Variants in FARP2 observed in about 807,000 individuals in gnomAD.
FARP2 encodes FERM, ARHGEF and pleckstrin domain-containing protein 2.
Under a neutral mutation model 130.5 loss-of-function variants are expected in FARP2, and 111 were observed. The ratio of observed to expected loss-of-function variants is 0.85; its 90% CI spans 0.73 to 1.00. The LOEUF (loss-of-function observed/expected upper bound fraction) is 1.00. FARP2 is among the 50% of genes least tolerant of loss of function. The pLI, the probability that FARP2 is intolerant of heterozygous loss-of-function variation, is 0.00. For missense variants in FARP2, 1,385 were observed against 1,346.3 expected (o/e 1.03, Z -0.45); for synonymous variants, 504 against 516.9 (o/e 0.98, Z 0.34).
chr2:241,394,650 T>G (rs1575498968), intron 2 of FARP2, among the ~76,000 whole-genome samples: 2 of 152,324 alleles, frequency 1.3e-5, no homozygotes, highest in East Asian at 3.9e-4. Context: ...TGTGGAAAAT[T>G]ACTTTGGCAA....
At chr2:241,369,807 A>G (rs2061386887) in intron 1 of FARP2, among the ~76,000 whole-genome samples, 2 of 152,350 alleles carry the variant, frequency 1.3e-5, no homozygotes, top group Non-Finnish European at 2.9e-5. Flanking sequence ...TGGTGGTTCT[A>G]TATTTAATAA....
At chr2:241,402,838 A>T (rs11678364) in intron 2 of FARP2, among the ~76,000 whole-genome samples, 2,649 of 9,156 alleles carry the variant, frequency 0.29, 290 homozygotes, top group East Asian at 0.39. Context: ...CAGCTAATTT[A>T]TATATATATA....
chr2:241,469,012 T>C (rs2150488116), intron 18 of FARP2, among the ~76,000 whole-genome samples: 1 of 152,290 alleles, frequency 6.6e-6, no homozygotes, highest in South Asian at 2.1e-4. Flanking sequence ...CCTATTCTAA[T>C]GGGGATGTGT....
At chr2:241,472,139 G>C (rs1051550393) in intron 18 of FARP2, among the ~76,000 whole-genome samples, 2 of 145,860 alleles carry the variant, frequency 1.4e-5, no homozygotes, top group Non-Finnish European at 3.0e-5. Context: ...GTTTTGAGGG[G>C]ACCCTGTTCT....
At chr2:241,477,377 C>G (rs2064500780) in intron 19 of FARP2, among the ~76,000 whole-genome samples, 1 of 152,134 alleles carries the variant, frequency 6.6e-6, no homozygotes, top group South Asian at 2.1e-4. Flanking sequence ...ATCCACCCAC[C>G]TTGGCCTCCC....
intron 17 of FARP2, among the ~76,000 whole-genome samples, chr2:241,465,179 C>G (rs1011859086): frequency 1.3e-5 from 2 of 152,084 alleles, no homozygotes; most frequent in African/African-American, 4.8e-5. Flanking sequence ...CAGGACAGGA[C>G]TCCCCCAGAA....
At chr2:241,368,991 T>C (rs1357298799) in intron 1 of FARP2, among the ~76,000 whole-genome samples, 3 of 152,078 alleles carry the variant, frequency 2.0e-5, no homozygotes, top group Non-Finnish European at 4.4e-5. Flanking sequence ...CACAGGGTCA[T>C]CTCCTCTCAA....
rs568779010 is a variant in FARP2, at chr2:241,449,722, G to A, written c.1412-7025G>A. 7.5e-4 allele frequency among the ~76,000 whole-genome samples: 114 copies of A among 152,260 alleles called. 1 individual carries two copies. The highest frequency in any genetic ancestry group is 2.6e-3 in the African/African-American group (109 of 41,556). On this transcript the variant is annotated intron_variant, in intron 13 of 26. Coordinates refer to ENST00000264042, the MANE Select transcript of FARP2 (RefSeq NM_014808.4). ...ACAAAGAAAATCACCTGCCAGACCG[G>A]GCGCAGTGGCTCCCGCCTGTAATCC...
At chr2:241,461,080 C>T (rs1179188095) in intron 14 of FARP2, among the ~76,000 whole-genome samples, 1 of 152,196 alleles carries the variant, frequency 6.6e-6, no homozygotes, top group African/African-American at 2.4e-5. Context: ...GAAGACATGG[C>T]TCCACATGCC....
intron 1 of FARP2, among the ~76,000 whole-genome samples, chr2:241,367,683 T>TCACTACACTCATCTAA (rs2061345170): frequency 6.6e-6 from 1 of 152,096 alleles, no homozygotes; most frequent in African/African-American, 2.4e-5. Context: ...GAAAAATATT[T>TCACTACACTCATCTAA]TAGGAAAGGT....
At chr2:241,474,736 G>A (rs1202215314) in intron 18 of FARP2, among the ~76,000 whole-genome samples, 1 of 151,598 alleles carries the variant, frequency 6.6e-6, no homozygotes, top group African/African-American at 2.4e-5. Flanking sequence ...AGGTTTCAGT[G>A]AGCCAAGATC....
chr2:241,480,208 G>C (rs927432364), intron 19 of FARP2, among the ~76,000 whole-genome samples: 1 of 152,210 alleles, frequency 6.6e-6, no homozygotes, highest in Non-Finnish European at 1.5e-5. Flanking sequence ...CTCTGACACT[G>C]TCTGGTTTCC....
chr2:241,391,730 A>G (rs940211612), intron 2 of FARP2, among the ~76,000 whole-genome samples: 1 of 152,146 alleles, frequency 6.6e-6, no homozygotes, highest in Non-Finnish European at 1.5e-5. Context: ...ACTACATTGC[A>G]GTAGTTAGGA....
intron 6 of FARP2, among the ~76,000 whole-genome samples, chr2:241,411,451 C>G (rs2062515586): frequency 6.6e-6 from 1 of 152,178 alleles, no homozygotes. Flanking sequence ...AGAATATAAA[C>G]CAAACTCTGA....
intron 1 of FARP2, among the ~76,000 whole-genome samples, chr2:241,367,559 A>G (rs958005431): frequency 6.6e-6 from 1 of 152,148 alleles, no homozygotes; most frequent in African/African-American, 2.4e-5. Context: ...TTTCTTCCCA[A>G]TGCTGCAGTG....
intron 18 of FARP2, among the ~76,000 whole-genome samples, chr2:241,474,801 T>TAATAAATAAATAAATAAATA (rs56306612): frequency 2.1e-5 from 3 of 140,314 alleles, no homozygotes; most frequent in Non-Finnish European, 4.6e-5. Context: ...CTAATAATAA[T>TAATAAATAAATAAATAAATA]AATAAATAAA....
chr2:241,367,751 G>A lies in FARP2; in HGVS notation c.-24-5333G>A, dbSNP rs1005023946. On this transcript the variant is annotated intron_variant, in intron 1 of 26. Transcript: ENST00000264042. ...GCCTCTACCCGTTACTGTGGATGGT[G>A]GACTATGCTTTTGTCTAAAAAGCCA... 2.6e-5 allele frequency among the ~76,000 whole-genome samples: 4 copies of A among 152,146 alleles called. No individual in the cohort carries two copies. The East Asian group carries it at 7.7e-4, about 29-fold the overall frequency.
intron 20 of FARP2, chr2:241,484,034 C>T (rs2064691764): frequency 7.3e-7 from 1 of 1,363,120 alleles, no homozygotes. Context: ...TGGGAGCTGA[C>T]CCAGCAGATG....
intron 17 of FARP2, chr2:241,465,573 T>C (rs114928195): frequency 6.4e-7 from 1 of 1,550,594 alleles, no homozygotes; most frequent in Non-Finnish European, 8.7e-7. Context: ...GGAGCAACGG[T>C]ACAGGTGTTC....
Sources: allele counts gnomAD v4.1 joint callset (sites outside exome capture counted in the v4.1 genomes callset), GRCh38; gene constraint gnomAD v4.1.1; transcripts MANE v1.5; gene names NCBI Gene and HGNC (gene_info 2026-07-23, HGNC 2026-07-21).